The following SEMA6D variants were observed in gnomAD, a reference collection of about 807,000 sequenced individuals.
The protein encoded by SEMA6D is semaphorin 6D.
A neutral mutation model predicts 106.6 loss-of-function variants in SEMA6D; 35 were observed. The ratio of observed to expected loss-of-function variants is 0.33; its 90% CI spans 0.25 to 0.44. The LOEUF (loss-of-function observed/expected upper bound fraction) is 0.44, where lower values mean the gene tolerates loss of function less well. SEMA6D is among the 20% of genes least tolerant of loss of function. SEMA6D has a pLI of 1.00. For missense variants in SEMA6D, 1,185 were observed against 1,345.9 expected, an observed-to-expected ratio of 0.88 and a Z score of 1.87; for synonymous variants, 499 against 487.7, an observed-to-expected ratio of 1.02 and a Z score of -0.31.
intron 4 of SEMA6D, among the ~76,000 whole-genome samples, chr15:47,626,913 G>C (rs2077212079): frequency 6.6e-6 from 1 of 152,138 alleles, no homozygotes; most frequent in African/African-American, 2.4e-5. Flanking sequence ...TTTCCTAATA[G>C]TTACAATCAT....
intron 9 of SEMA6D, 87 bp downstream of exon 9, chr15:47,763,191 A>T (rs978413424): frequency 2.9e-6 from 3 of 1,022,232 alleles, no homozygotes; most frequent in Non-Finnish European, 4.3e-6. Context: ...CTCACTTGGC[A>T]TGTTTTCCAG....
At chr15:47,435,628 C>T (rs886637958) in intron 2 of SEMA6D, among the ~76,000 whole-genome samples, 1 of 152,036 alleles carries the variant, frequency 6.6e-6, no homozygotes. Flanking sequence ...TTGAGAGATG[C>T]AAGATGCATA....
chr15:47,432,648 A>C (rs35093954), intron 2 of SEMA6D, among the ~76,000 whole-genome samples: 4,294 of 97,686 alleles, frequency 0.044, 139 homozygotes, highest in East Asian at 0.19. Flanking sequence ...AAAAAGAAAA[A>C]AAATGGCAAA....
Position 47,490,439 on chromosome 15 carries a change from T to A in SEMA6D, c.-87+19894T>A, listed in dbSNP as rs557957953. Among the ~76,000 whole-genome samples, 25 of 151,404 alleles carry A rather than the reference T, an allele frequency of 1.7e-4. No individual in the cohort carries two copies. The South Asian group carries it at 5.3e-3, about 32-fold the overall frequency. Reference sequence around the variant, plus strand: ...GGCAGGCAGATCACAAGGTCAGGAGTTCAAGACCAGCCTGGCCAATATGGT... The same window carrying A: ...GGCAGGCAGATCACAAGGTCAGGAGATCAAGACCAGCCTGGCCAATATGGT... On this transcript the variant is annotated intron_variant, in intron 3 of 19. Coordinates refer to the SEMA6D transcript ENST00000558014.
At chr15:47,308,269 A>G (rs2036308498) in intron 1 of SEMA6D, among the ~76,000 whole-genome samples, 1 of 152,058 alleles carries the variant, frequency 6.6e-6, no homozygotes. Flanking sequence ...TGGCCATTGT[A>G]TGTTGTTGGA....
chr15:47,405,526 C>A (rs2040533158), intron 1 of SEMA6D, among the ~76,000 whole-genome samples: 1 of 152,118 alleles, frequency 6.6e-6, no homozygotes, highest in African/African-American at 2.4e-5. Flanking sequence ...CCTGAGGAGT[C>A]CAGGATCAGG....
At chr15:47,394,799 G>A (rs1467985370) in intron 1 of SEMA6D, among the ~76,000 whole-genome samples, 5 of 152,152 alleles carry the variant, frequency 3.3e-5, no homozygotes, top group Admixed American at 6.5e-5. Flanking sequence ...GAAGCAGACC[G>A]CCACACGTGC....
chr15:47,250,453 A>C (rs1404498177), intron 1 of SEMA6D, among the ~76,000 whole-genome samples: 1 of 152,144 alleles, frequency 6.6e-6, no homozygotes, highest in Non-Finnish European at 1.5e-5. Flanking sequence ...GAAAGAAAGA[A>C]AGAAAGAAAG....
chr15:47,671,177 T>G lies in SEMA6D; in HGVS notation c.-55+70281T>G, dbSNP rs117630017. On this transcript the variant is annotated intron_variant, in intron 4 of 19. Coordinates refer to the SEMA6D transcript ENST00000558014. ...TGAGTTAGAAAAGGAAACTGAGTAG[T>G]TTCAGCTAGATATGATAGTTGTTCT... is the stretch of plus-strand genomic sequence containing the variant. 1.0e-2 allele frequency among the ~76,000 whole-genome samples: 1,522 copies of G among 152,252 alleles called. 14 individuals carry two copies. The highest frequency in any genetic ancestry group is 0.044 in the South Asian group (214 of 4,828).
At position 47,352,316 on chromosome 15, in the gene SEMA6D, A is replaced by G. The variant is rs564441; in HGVS notation, c.-238-60077A>G. Among the ~76,000 whole-genome samples, 692 of 152,312 alleles carry G rather than the reference A, an allele frequency of 4.5e-3. 4 individuals are homozygous for G. The highest frequency in any genetic ancestry group is 0.016 in the African/African-American group (662 of 41,558). Reference sequence around the variant, plus strand: ...GTCATTGAATTGACAAAGACTCAATATTAAAGTAGGAGAAGGTGTTGAAGA... The same window carrying G: ...GTCATTGAATTGACAAAGACTCAATGTTAAAGTAGGAGAAGGTGTTGAAGA... On this transcript the variant is annotated intron_variant, in intron 1 of 19. Coordinates refer to the SEMA6D transcript ENST00000558014.
In SEMA6D at chr15:47,508,075, A is replaced by G. The variant is rs144823247; in HGVS notation, c.-87+37530A>G. Among the ~76,000 whole-genome samples, 24 of 152,062 alleles carry G rather than the reference A, an allele frequency of 1.6e-4. No individual in the cohort carries two copies. The East Asian group carries it at 3.5e-3, about 22-fold the overall frequency. ...AAATCCTCTGCAGGGAACATCACCAACCTCTCTTAAAAGCCCGTGAACTTC... is the reference window on the plus strand; with the variant it reads ...AAATCCTCTGCAGGGAACATCACCAGCCTCTCTTAAAAGCCCGTGAACTTC... On this transcript the variant is annotated intron_variant, in intron 3 of 19. Transcript: ENST00000558014.
intron 4 of SEMA6D, among the ~76,000 whole-genome samples, chr15:47,632,168 A>T (rs2077304416): frequency 6.6e-6 from 1 of 151,658 alleles, no homozygotes; most frequent in African/African-American, 2.4e-5. Flanking sequence ...CAGAGAACAC[A>T]CTCTGTATGA....
chr15:47,578,346 A>T (rs1190471107), intron 3 of SEMA6D, among the ~76,000 whole-genome samples: 3 of 152,234 alleles, frequency 2.0e-5, no homozygotes, highest in Non-Finnish European at 4.4e-5. Context: ...ATCATGAGTC[A>T]AATCCCTATT....
chr15:47,449,976 G>C (rs900535067), intron 2 of SEMA6D, among the ~76,000 whole-genome samples: 1 of 152,002 alleles, frequency 6.6e-6, no homozygotes, highest in Admixed American at 6.6e-5. Flanking sequence ...GACACATCTC[G>C]ACTTCCACAA....
chr15:47,539,761 G>C (rs931101516), intron 3 of SEMA6D, among the ~76,000 whole-genome samples: 4 of 152,270 alleles, frequency 2.6e-5, no homozygotes, highest in Admixed American at 6.5e-5. Flanking sequence ...GATTATTTGT[G>C]CTTAGCACTG....
intron 1 of SEMA6D, among the ~76,000 whole-genome samples, chr15:47,226,475 A>C (rs892443658): frequency 3.3e-5 from 5 of 152,158 alleles, no homozygotes; most frequent in Admixed American, 1.3e-4. Flanking sequence ...TAGATGCCAG[A>C]GAGGTCACAG....
rs1175285236 is a variant in SEMA6D, at chr15:47,597,371, T to C, written c.-86-3494T>C. Among the ~76,000 whole-genome samples, 5 of 152,220 alleles carry C rather than the reference T, an allele frequency of 3.3e-5. No homozygotes were observed. In the East Asian group the frequency reaches 9.6e-4, roughly 29 times the overall value. On this transcript the variant is annotated intron_variant, in intron 3 of 19. Coordinates refer to the SEMA6D transcript ENST00000558014. ...TCCGGCAATTCCACTACTGGGTAGG[T>C]AGTCTAGGACTTAAAATTAGTATTA...
intron 1 of SEMA6D, among the ~76,000 whole-genome samples, chr15:47,368,640 C>G (rs1164860956): frequency 6.6e-6 from 1 of 152,114 alleles, no homozygotes; most frequent in African/African-American, 2.4e-5. Flanking sequence ...CCGAAATTAG[C>G]CTTTATTGAA....
intron 1 of SEMA6D, among the ~76,000 whole-genome samples, chr15:47,348,183 T>C (rs2038121390): frequency 6.6e-6 from 1 of 152,174 alleles, no homozygotes; most frequent in Non-Finnish European, 1.5e-5. Flanking sequence ...CTTTACTTCA[T>C]TTAACAAATA....
Sources: allele counts gnomAD v4.1 joint callset (sites outside exome capture counted in the v4.1 genomes callset), GRCh38; gene constraint gnomAD v4.1.1; transcripts MANE v1.5; gene names NCBI Gene and HGNC (gene_info 2026-07-23, HGNC 2026-07-21).